CYFIP2: variants seen among roughly 807,000 people sequenced by gnomAD.
The protein encoded by CYFIP2 is cytoplasmic FMR1 interacting protein 2, also known as cytoplasmic FMR1-interacting protein 2.
CYFIP2 carries 29 observed loss-of-function variants against 158.7 expected under a neutral mutation model. The observed-to-expected ratio is 0.18, with a 90% CI of 0.14 to 0.25. The LOEUF (loss-of-function observed/expected upper bound fraction) is 0.25, where lower values mean the gene tolerates loss of function less well. Ranked by LOEUF, CYFIP2 falls within the 10% of genes least tolerant of loss-of-function variation. The pLI, the probability that CYFIP2 is intolerant of heterozygous loss-of-function variation, is 1.00. For missense variants in CYFIP2, 852 were observed against 1,639.5 expected (o/e 0.52, Z 8.29); for synonymous variants, 585 against 617.6 (o/e 0.95, Z 0.78).
At chr5:157,280,118 A>G (rs955684275) in intron 1 of CYFIP2, among the ~76,000 whole-genome samples, 1 of 152,178 alleles carries the variant, frequency 6.6e-6, no homozygotes, top group Non-Finnish European at 1.5e-5. Flanking sequence ...TCACTTACTT[A>G]TTGATTCTCT....
At chr5:157,352,841 A>C (rs1160072778) in intron 23 of CYFIP2, among the ~76,000 whole-genome samples, 1 of 152,208 alleles carries the variant, frequency 6.6e-6, no homozygotes, top group East Asian at 1.9e-4. Context: ...TGGGTCCTAC[A>C]TGCTATCGTA....
chr5:157,276,750 T>C (rs989098450), intron 1 of CYFIP2, among the ~76,000 whole-genome samples: 1 of 152,224 alleles, frequency 6.6e-6, no homozygotes, highest in Non-Finnish European at 1.5e-5. Context: ...ACCTCCACAC[T>C]AAAATGCCTC....
intron 6 of CYFIP2, among the ~76,000 whole-genome samples, 199 bp downstream of exon 6, chr5:157,301,095 C>A (rs1221988217): frequency 6.6e-6 from 1 of 152,214 alleles, no homozygotes; most frequent in Non-Finnish European, 1.5e-5. Context: ...CTTGGAAGAA[C>A]TTGATCTTTG....
chr5:157,364,060 C>T (rs1764106701), intron 26 of CYFIP2: 1 of 152,038 alleles, frequency 6.6e-6, no homozygotes, highest in Non-Finnish European at 1.5e-5. Flanking sequence ...ATGGACTCTC[C>T]AGACAGCTAA....
chr5:157,276,161 T>G (rs1228535552), intron 1 of CYFIP2, among the ~76,000 whole-genome samples: 1 of 152,248 alleles, frequency 6.6e-6, no homozygotes. Context: ...ATAATTACCT[T>G]GGCTAGAACT....
intron 7 of CYFIP2, 97 bp from the exon 8 acceptor site, chr5:157,304,141 G>A (rs1759014800): frequency 1.0e-5 from 15 of 1,440,958 alleles, no homozygotes; most frequent in East Asian, 5.1e-5. Context: ...GGCCATCAGC[G>A]GGGACCACAC....
intron 1 of CYFIP2, among the ~76,000 whole-genome samples, chr5:157,274,843 G>GT (rs1756415139): frequency 6.6e-6 from 1 of 152,184 alleles, no homozygotes; most frequent in Non-Finnish European, 1.5e-5. Flanking sequence ...TTGGCTATGT[G>GT]TATATCTTTG....
intron 3 of CYFIP2, among the ~76,000 whole-genome samples, chr5:157,288,099 A>G (rs147479402): frequency 6.6e-6 from 1 of 152,206 alleles, no homozygotes; most frequent in African/African-American, 2.4e-5. Flanking sequence ...TCTCAAAAAA[A>G]TAAGAGTAGT....
At chr5:157,364,516 A>ACTC (rs1764185303) in intron 26 of CYFIP2, 2 of 152,276 alleles carry the variant, frequency 1.3e-5, no homozygotes, top group African/African-American at 2.4e-5. Context: ...CAGAGAGAGG[A>ACTC]GGAACTCACC....
rs1437409088 is a variant in CYFIP2 at position 157,311,041 on chromosome 5, A to C, written c.993-623A>C. ...GACATCTTTTCACAAGGCGTGGAAA[A>C]AAGGCGGAGGGAAGGAGGAAAGAGG... On this transcript the variant is annotated intron_variant, in intron 10 of 30. Transcript: ENST00000620254. The surrounding 1 kb of genome is among the most constrained non-coding windows in gnomAD (Gnocchi z 4.7). The C allele has an allele frequency of 2.2e-6, 1 of 454,768 alleles. No homozygotes were observed. The highest frequency in any genetic ancestry group is 7.0e-5 in the East Asian group (1 of 14,274). 28.2% of individuals were successfully genotyped at this position (454,768 alleles called of 1,614,324 possible).
chr5:157,311,716 A>G lies in CYFIP2; in HGVS notation c.1045A>G (p.Met349Val), dbSNP rs1465390767. The G allele has an allele frequency of 6.2e-7, 1 of 1,610,428 alleles. No homozygotes were observed. Among genetic ancestry groups the G allele is most frequent in the Non-Finnish European group, 8.5e-7 (1 of 1,178,436 alleles). ...ISPQYNICEQ[M>V]VQIRDDHIRF... ...CCCCCAGTACAATATCTGCGAGCAG[A>G]TGGTTCAGATCCGGGATGACCACAT... The change falls in exon 11 of 31, where the codon ATG (methionine) becomes GTG (valine). Residue 349 changes from methionine to valine, a missense_variant. Met to Val is a conservative substitution (Grantham distance 21). Transcript: ENST00000620254. The surrounding 1 kb of genome is among the most constrained non-coding windows in gnomAD (Gnocchi z 4.7).
chr5:157,291,750 T>G (rs2113860732), intron 3 of CYFIP2, among the ~76,000 whole-genome samples: 1 of 152,358 alleles, frequency 6.6e-6, no homozygotes, highest in East Asian at 1.9e-4. Flanking sequence ...CAATGACATT[T>G]GCTGCTGAAA....
chr5:157,345,505 T>C (rs1417647568), intron 23 of CYFIP2: 2 of 152,582 alleles, frequency 1.3e-5, no homozygotes, highest in Non-Finnish European at 2.9e-5. Flanking sequence ...AAAGAAGCCA[T>C]TTCCATTTCC....
intron 13 of CYFIP2, among the ~76,000 whole-genome samples, chr5:157,316,043 T>C (rs1381318778): frequency 6.6e-6 from 1 of 152,162 alleles, no homozygotes; most frequent in African/African-American, 2.4e-5. Flanking sequence ...TGAGCCAAGA[T>C]TGTGCCACTG....
At chr5:157,281,020 C>CTA (rs1756949830) in intron 1 of CYFIP2, among the ~76,000 whole-genome samples, 1 of 152,262 alleles carries the variant, frequency 6.6e-6, no homozygotes, top group Admixed American at 6.5e-5. Flanking sequence ...TCTTCAAAAT[C>CTA]TATAGACTTT....
At position 157,311,581 on chromosome 5, in the gene CYFIP2, C is replaced by T. The variant is rs1258233770; in HGVS notation, c.993-83C>T. 13 of 1,300,724 alleles carry T rather than the reference C, an allele frequency of 1.0e-5. No individual in the cohort carries two copies. In the African/African-American group the frequency reaches 1.3e-4, roughly 13 times the overall value. The allele number at this position is 1,300,724 out of a possible 1,614,324, so 80.6% of individuals were successfully genotyped here. Reference sequence around the variant, plus strand: ...CACCCAGGGGAGTTGGCCACGTGGGCTGAGCACCAGGAGCAGCTAATGCCT... The same window carrying T: ...CACCCAGGGGAGTTGGCCACGTGGGTTGAGCACCAGGAGCAGCTAATGCCT... On this transcript the variant is annotated intron_variant, in intron 10 of 30. Coordinates refer to ENST00000620254, the MANE Select transcript of CYFIP2 (RefSeq NM_001037333.3). This position sits in a 1 kb window ranked among gnomAD's most constrained non-coding sequence, Gnocchi z 4.7.
intron 21 of CYFIP2, among the ~76,000 whole-genome samples, chr5:157,336,252 C>T (rs1761849788): frequency 6.6e-6 from 1 of 152,222 alleles, no homozygotes; most frequent in Non-Finnish European, 1.5e-5. Context: ...TCATTTTACA[C>T]AGCTGAGCAA....
chr5:157,377,706 T>G (rs1156706851), intron 26 of CYFIP2, among the ~76,000 whole-genome samples: 1 of 152,230 alleles, frequency 6.6e-6, no homozygotes, highest in East Asian at 1.9e-4. Context: ...AGAATGAAAG[T>G]CTTCAGAATT....
At chr5:157,280,811 A>G (rs1224117476) in intron 1 of CYFIP2, among the ~76,000 whole-genome samples, 2 of 152,120 alleles carry the variant, frequency 1.3e-5, no homozygotes, top group Non-Finnish European at 2.9e-5. Flanking sequence ...ATATTTTAGT[A>G]GATCTTTCTG....
Sources: gnomAD v4.1 joint callset for allele counts (sites outside exome capture counted in the v4.1 genomes callset) on GRCh38, gnomAD v4.1.1 for gene constraint, Gnocchi (gnomAD v3.1) non-coding constraint, MANE v1.5 for transcripts, NCBI Gene and HGNC (gene_info 2026-07-23, HGNC 2026-07-21) for gene names.